The following WIPF1 variants were observed in gnomAD, a reference collection of about 807,000 sequenced individuals.
The protein encoded by WIPF1 is WAS/WASL interacting protein family member 1, also known as WAS/WASL-interacting protein family member 1.
A neutral mutation model predicts 35.4 loss-of-function variants in WIPF1; 13 were observed. The observed-to-expected ratio is 0.37, with a 90% CI of 0.24 to 0.58. The LOEUF (loss-of-function observed/expected upper bound fraction) is 0.58. Among genes scored for constraint, WIPF1 ranks in the 20% least tolerant of loss-of-function variants. The pLI, the probability that WIPF1 is intolerant of heterozygous loss-of-function variation, is 0.74. For missense variants in WIPF1, 591 were observed against 667.0 expected, an observed-to-expected ratio of 0.89 and a Z score of 1.25; for synonymous variants, 267 against 266.3, an observed-to-expected ratio of 1.00 and a Z score of -0.02.
chr2:174,572,947 A>G (rs1684922516), intron 4 of WIPF1, among the ~76,000 whole-genome samples: 1 of 152,350 alleles, frequency 6.6e-6, no homozygotes, highest in Admixed American at 6.5e-5. Flanking sequence ...ATGAAGAGAA[A>G]TGCCCCAAAA....
chr2:174,561,725 AAAC>A lies in WIPF1; in HGVS notation c.*819_*821del, dbSNP rs1255615041. ...GCCCATCTTGCCTTTTTTGTTTTTT[AAAC>A]AAGAGGTTTCTGCACTAGCTTCCAT... On this transcript the variant is annotated 3_prime_UTR_variant, in exon 8 of 8. Transcript: ENST00000679041. The A allele has an allele frequency of 5.5e-6, 1 of 181,678 alleles. No individual in the cohort carries two copies. Among genetic ancestry groups the A allele is most frequent in the Non-Finnish European group, 1.2e-5 (1 of 86,144 alleles). 11.3% of individuals were successfully genotyped at this position (181,678 alleles called of 1,614,324 possible).
intron 1 of WIPF1, among the ~76,000 whole-genome samples, chr2:174,635,005 C>T (rs1310213375): frequency 1.3e-5 from 2 of 152,192 alleles, no homozygotes; most frequent in Admixed American, 6.5e-5. Flanking sequence ...GGGCCCTCGA[C>T]AGTGCTGCAC....
intron 1 of WIPF1, among the ~76,000 whole-genome samples, chr2:174,588,183 T>G (rs536509782): frequency 3.2e-4 from 48 of 152,070 alleles, no homozygotes; most frequent in Non-Finnish European, 5.9e-4. Context: ...ATGATCAGAG[T>G]TGGGAAAGGC....
Position 174,597,133 on chromosome 2 carries a change from A to G in WIPF1, c.-39+468T>C, listed in dbSNP as rs192042113. On this transcript the variant is annotated intron_variant, in intron 1 of 7. Coordinates refer to ENST00000679041, the MANE Select transcript of WIPF1 (RefSeq NM_001375834.1). ...GGTTTAGTTTGAGTTTTGAACTTAA[A>G]TAGCACATTGGCAGCAACAGAACTG... Among the ~76,000 whole-genome samples the G allele has an allele frequency of 2.6e-4, 40 of 152,370 alleles. No homozygotes were observed. In the East Asian group the frequency reaches 7.3e-3, roughly 28 times the overall value.
rs1353440593 is a variant in WIPF1, at chr2:174,590,589, G to T, written c.-38-4978C>A. Among the ~76,000 whole-genome samples the T allele has an allele frequency of 6.6e-6, 1 of 152,104 alleles. No individual in the cohort carries two copies. Among genetic ancestry groups the T allele is most frequent in the Non-Finnish European group, 1.5e-5 (1 of 68,026 alleles). On this transcript the variant is annotated intron_variant, in intron 1 of 7. Transcript: ENST00000679041. The surrounding 1 kb of genome is among the most constrained non-coding windows in gnomAD (Gnocchi z 4.6). Reference sequence around the variant, plus strand: ...TGCAGGAGAGACGCAAGAAGGGAAGGGACTCAGCAGCAGTTTCCCAGTGTG... The same window carrying T: ...TGCAGGAGAGACGCAAGAAGGGAAGTGACTCAGCAGCAGTTTCCCAGTGTG...
At position 174,561,163 on chromosome 2, in the gene WIPF1, A is replaced by G. The variant is rs1280294969; in HGVS notation, c.*1384T>C. 1 of 152,656 alleles carries G rather than the reference A, an allele frequency of 6.6e-6. No homozygotes were observed. Among genetic ancestry groups the G allele is most frequent in the Non-Finnish European group, 1.5e-5 (1 of 68,046 alleles). 9.5% of individuals were successfully genotyped at this position (152,656 alleles called of 1,614,324 possible). A position where few individuals can be genotyped will look rare whatever the true frequency, so the allele number is the denominator to read the frequency against. ...GGTCCTTTAGTGGAGCTATATTTGC[A>G]TAGATCCTAGACAAATGATGCAAAA... On this transcript the variant is annotated 3_prime_UTR_variant, in exon 8 of 8. Transcript: ENST00000679041.
At chr2:174,562,667 C>T (rs960695880) in intron 7 of WIPF1, 65 bp from the exon 8 acceptor site, 20 of 1,591,318 alleles carry the variant, frequency 1.3e-5, no homozygotes, top group African/African-American at 6.7e-5. Context: ...CGTGGAAACT[C>T]GGGGATGGTT....
intron 1 of WIPF1, among the ~76,000 whole-genome samples, chr2:174,621,089 C>G (rs944918719): frequency 2.0e-5 from 3 of 152,098 alleles, no homozygotes; most frequent in Admixed American, 1.3e-4. Context: ...GGCGCATTAC[C>G]AAGCTCATTC....
chr2:174,605,590 T>C (rs1400776374), intron 1 of WIPF1, among the ~76,000 whole-genome samples: 1 of 152,238 alleles, frequency 6.6e-6, no homozygotes, highest in Admixed American at 6.5e-5. Flanking sequence ...GTGATAATGT[T>C]ACTGTGGTTA....
chr2:174,660,679 T>C (rs1687739970), intron 1 of WIPF1, among the ~76,000 whole-genome samples: 1 of 151,968 alleles, frequency 6.6e-6, no homozygotes, highest in South Asian at 2.1e-4. Flanking sequence ...AGTACAGTGG[T>C]TGATGTAAGT....
intron 3 of WIPF1, among the ~76,000 whole-genome samples, chr2:174,580,796 C>A (rs184354712): frequency 3.0e-4 from 46 of 152,334 alleles, no homozygotes; most frequent in African/African-American, 1.0e-3. Flanking sequence ...GTATCTTACA[C>A]TTGAATTACA....
intron 1 of WIPF1, among the ~76,000 whole-genome samples, chr2:174,613,318 T>C (rs1686408888): frequency 6.6e-6 from 1 of 152,234 alleles, no homozygotes; most frequent in South Asian, 2.1e-4. Context: ...TATGCAAATA[T>C]TTTAGAAAAG....
intron 1 of WIPF1, among the ~76,000 whole-genome samples, chr2:174,643,360 C>T (rs943924457): frequency 6.7e-5 from 10 of 149,236 alleles, no homozygotes; most frequent in Admixed American, 1.3e-4. Context: ...CCCACTATCA[C>T]GATGAAAAAC....
chr2:174,640,511 TA>T (rs375908593), intron 1 of WIPF1, among the ~76,000 whole-genome samples: 3,293 of 146,032 alleles, frequency 0.023, 123 homozygotes, highest in African/African-American at 0.077. Flanking sequence ...AAAATAAAAT[TA>T]AAAAAAAAAC....
chr2:174,609,202 G>A lies in WIPF1; in HGVS notation c.-38-23591C>T, dbSNP rs191019556. Among the ~76,000 whole-genome samples, 5 of 152,274 alleles carry A rather than the reference G, an allele frequency of 3.3e-5. No homozygotes were observed. In the East Asian group the frequency reaches 9.6e-4, roughly 29 times the overall value. On this transcript the variant is annotated intron_variant, in intron 1 of 8. Transcript: ENST00000272746. ...CACTCAGTAAAGAATTGTCCCACAG[G>A]ACCTTCAAAGGTCCTGTTACATATT...
intron 1 of WIPF1, among the ~76,000 whole-genome samples, chr2:174,671,681 G>A (rs1427189937): frequency 6.6e-6 from 1 of 152,178 alleles, no homozygotes. Flanking sequence ...GGGAATGTCT[G>A]TCTTTTATGG....
In WIPF1 at chr2:174,572,279, C is replaced by T. The variant is rs1219444254; in HGVS notation, c.526G>A (p.Val176Met). Reference protein sequence around the residue: ...RNRMPPPRPDVGSKPDSIPPP... With the variant: ...RNRMPPPRPDMGSKPDSIPPP... Reference sequence around the variant, plus strand: ...GGAATGCTATCAGGCTTTGAGCCCACGTCGGGCCTTGGGGGCGGCATTCGG... The same window carrying T: ...GGAATGCTATCAGGCTTTGAGCCCATGTCGGGCCTTGGGGGCGGCATTCGG... Residue 176 changes from valine (V) to methionine (M), a missense_variant, in exon 5 of 8, where the codon GTG becomes ATG. Around this residue, in one of 3 missense-constraint regions of WIPF1, gnomAD observed 471 missense variants for 501.1 expected, o/e 0.94. Transcript: ENST00000679041. 3 of 1,613,964 alleles carry T rather than the reference C, an allele frequency of 1.9e-6. No individual in the cohort carries two copies. The highest frequency in any genetic ancestry group is 4.5e-5 in the East Asian group (2 of 44,866).
At chr2:174,602,052 G>A (rs750202004), upstream of WIPF1, among the ~76,000 whole-genome samples, 4 of 152,206 alleles carry the variant, frequency 2.6e-5, no homozygotes, top group Non-Finnish European at 5.9e-5. Flanking sequence ...TGGATTGAAA[G>A]CCTGGATGAA....
chr2:174,647,649 TAAA>T (rs10716104), intron 1 of WIPF1, among the ~76,000 whole-genome samples: 26 of 141,354 alleles, frequency 1.8e-4, no homozygotes, highest in Admixed American at 4.2e-4. Flanking sequence ...GACCCTGTCT[TAAA>T]AAAAAAAAAA....
Sources: allele counts gnomAD v4.1 joint callset (sites outside exome capture counted in the v4.1 genomes callset), GRCh38; gene constraint gnomAD v4.1.1; regional missense constraint gnomAD v4.1.1; non-coding constraint Gnocchi (gnomAD v3.1); transcripts MANE v1.5; gene names NCBI Gene and HGNC (gene_info 2026-07-23, HGNC 2026-07-21).